Variants in SHB observed in about 807,000 individuals in gnomAD.
SHB encodes SH2 domain containing adaptor protein B.
In SHB, 20 loss-of-function variants were observed where a neutral mutation model predicts 52.3. The ratio of observed to expected loss-of-function variants is 0.38; its 90% CI spans 0.27 to 0.56. The LOEUF is 0.56. Among genes scored for constraint, SHB ranks in the 20% least tolerant of loss-of-function variants. SHB has a pLI of 0.71. For synonymous variants in SHB, 397 were observed against 316.5 expected, an observed-to-expected ratio of 1.25 and a Z score of -2.70; for missense variants, 825 against 723.3, an observed-to-expected ratio of 1.14 and a Z score of -1.61.
chr9:37,994,233 C>T (rs1289302630), intron 2 of SHB, among the ~76,000 whole-genome samples: 1 of 152,138 alleles, frequency 6.6e-6, no homozygotes, highest in Non-Finnish European at 1.5e-5. Flanking sequence ...CTGTGTGACC[C>T]CAGCAAATCC....
chr9:37,941,048 CA>C (rs1443533574), intron 5 of SHB, among the ~76,000 whole-genome samples: 16 of 152,176 alleles, frequency 1.1e-4, no homozygotes, highest in Non-Finnish European at 5.9e-5. Context: ...ACAGGTTATC[CA>C]GGAAGAGGGG....
chr9:38,043,020 C>A lies in SHB; in HGVS notation c.717+24909G>T, dbSNP rs191014565. Among the ~76,000 whole-genome samples the A allele has an allele frequency of 7.2e-5, 11 of 152,342 alleles. No homozygotes were observed. In the East Asian group the frequency reaches 2.1e-3, roughly 29 times the overall value. On this transcript the variant is annotated intron_variant, in intron 1 of 5. Coordinates refer to ENST00000377707, the MANE Select transcript of SHB (RefSeq NM_003028.3). Reference sequence around the variant, plus strand: ...CCTCTACCTTTCTCACCAGACCCAACTTGTCCTTGCCAAACTCCGTGCTTT... The same window carrying A: ...CCTCTACCTTTCTCACCAGACCCAAATTGTCCTTGCCAAACTCCGTGCTTT...
intron 3 of SHB, among the ~76,000 whole-genome samples, chr9:37,963,842 G>A (rs1379927063): frequency 6.6e-6 from 1 of 152,206 alleles, no homozygotes; most frequent in African/African-American, 2.4e-5. Flanking sequence ...CTGTTCACAT[G>A]ACAATGGGCC....
intron 2 of SHB, among the ~76,000 whole-genome samples, chr9:38,009,665 C>T (rs1821113787): frequency 6.6e-6 from 1 of 152,182 alleles, no homozygotes; most frequent in African/African-American, 2.4e-5. Context: ...GAAGAGGCCA[C>T]ACCAGAGGAT....
At chr9:37,932,732 G>C (rs1207232730) in intron 5 of SHB, among the ~76,000 whole-genome samples, 12 of 152,152 alleles carry the variant, frequency 7.9e-5, no homozygotes, top group Admixed American at 7.2e-4. Context: ...TCCTGCCTCA[G>C]CCACCCAAGG....
rs73437968 is a variant in SHB at position 38,008,534 on chromosome 9, T to C, written c.838+7477A>G. ...GCCTGCTACCTGCCAGGCAGGAGGATTGACAACAGATTTCACAACATTTCA... is the reference window on the plus strand; with the variant it reads ...GCCTGCTACCTGCCAGGCAGGAGGACTGACAACAGATTTCACAACATTTCA... On this transcript the variant is annotated intron_variant, in intron 2 of 5. Coordinates refer to ENST00000377707, the MANE Select transcript of SHB (RefSeq NM_003028.3). 3.7e-3 allele frequency among the ~76,000 whole-genome samples: 567 copies of C among 152,324 alleles called. 5 individuals carry two copies. Among genetic ancestry groups the C allele is most frequent in the African/African-American group, 0.013 (528 of 41,568 alleles).
At chr9:38,042,355 A>G (rs1821595776) in intron 1 of SHB, among the ~76,000 whole-genome samples, 1 of 152,188 alleles carries the variant, frequency 6.6e-6, no homozygotes. Context: ...AACTGCACAC[A>G]TGCCCTTTAA....
chr9:37,988,218 G>C (rs1820835728), intron 2 of SHB, among the ~76,000 whole-genome samples: 1 of 152,148 alleles, frequency 6.6e-6, no homozygotes, highest in Admixed American at 6.5e-5. Flanking sequence ...TTTGCCTTCT[G>C]GATAACAATG....
At chr9:38,057,580 C>A (rs1821837864) in intron 1 of SHB, among the ~76,000 whole-genome samples, 1 of 152,206 alleles carries the variant, frequency 6.6e-6, no homozygotes, top group Non-Finnish European at 1.5e-5. Context: ...GGCAGGTAGG[C>A]ACCATGCCAT....
Position 37,917,906 on chromosome 9 carries a change from C to T in SHB, c.*1915G>A, listed in dbSNP as rs566909804. ...CAAGAGGCAGACTGGTCACTAAAGG[C>T]GGGTCACCAAGGGCAGGGCTTTGCA... On this transcript the variant is annotated 3_prime_UTR_variant, in exon 6 of 6. Transcript: ENST00000377707. 3.3e-4 allele frequency among the ~76,000 whole-genome samples: 50 copies of T among 152,322 alleles called. No individual in the cohort carries two copies. The highest frequency in any genetic ancestry group is 1.7e-3 in the South Asian group (8 of 4,828).
chr9:38,067,404 G>GGGGCAGGGCAGGGCC (rs1821983989), intron 1 of SHB, among the ~76,000 whole-genome samples: 2 of 152,164 alleles, frequency 1.3e-5, no homozygotes, highest in South Asian at 4.1e-4. Context: ...AGCTGGGGGT[G>GGGGCAGGGCAGGGCC]GGGCAGGGCA....
At chr9:38,055,200 G>C (rs1821798696) in intron 1 of SHB, among the ~76,000 whole-genome samples, 2 of 152,190 alleles carry the variant, frequency 1.3e-5, no homozygotes, top group African/African-American at 4.8e-5. Flanking sequence ...CCACAGTCAT[G>C]TTCGGCAGTG....
chr9:38,057,945 C>T (rs544072545), intron 1 of SHB, among the ~76,000 whole-genome samples: 7 of 152,368 alleles, frequency 4.6e-5, no homozygotes, highest in African/African-American at 1.2e-4. Flanking sequence ...GTCTCCACCG[C>T]CCTGTGGTGC....
intron 5 of SHB, among the ~76,000 whole-genome samples, chr9:37,926,847 C>T (rs1832256527): frequency 1.3e-5 from 2 of 152,230 alleles, no homozygotes; most frequent in African/African-American, 4.8e-5. Context: ...GGCTTCTCCA[C>T]AGCAAATATT....
intron 2 of SHB, among the ~76,000 whole-genome samples, chr9:37,991,519 T>C (rs1157482589): frequency 6.6e-6 from 1 of 152,258 alleles, no homozygotes; most frequent in African/African-American, 2.4e-5. Context: ...ATGTACATTT[T>C]AATTATAACA....
intron 1 of SHB, among the ~76,000 whole-genome samples, chr9:38,050,952 T>G (rs762593790): frequency 6.6e-6 from 1 of 152,234 alleles, no homozygotes; most frequent in Non-Finnish European, 1.5e-5. Context: ...TACAATCTTT[T>G]ACTACAAACT....
chr9:38,020,563 A>C (rs1381098858), intron 1 of SHB, among the ~76,000 whole-genome samples: 1 of 152,144 alleles, frequency 6.6e-6, no homozygotes, highest in Admixed American at 6.5e-5. Context: ...ACTGGAGAAA[A>C]AGAGGACCCG....
intron 5 of SHB, among the ~76,000 whole-genome samples, chr9:37,927,950 C>CA (rs1554697845): frequency 1.0e-4 from 15 of 145,342 alleles, no homozygotes; most frequent in African/African-American, 3.8e-4. Flanking sequence ...CTCTTTCTCT[C>CA]TTTTTTTTTT....
intron 2 of SHB, among the ~76,000 whole-genome samples, chr9:37,991,820 T>C (rs1436367077): frequency 6.6e-6 from 1 of 152,126 alleles, no homozygotes; most frequent in Non-Finnish European, 1.5e-5. Flanking sequence ...CTGTGCTCTG[T>C]GAAGGAAGGT....
Sources: gnomAD v4.1 joint callset for allele counts (sites outside exome capture counted in the v4.1 genomes callset) on GRCh38, gnomAD v4.1.1 for gene constraint, MANE v1.5 for transcripts, NCBI Gene and HGNC (gene_info 2026-07-23, HGNC 2026-07-21) for gene names.